Variants in LHFPL3 observed in about 807,000 individuals in gnomAD.
LHFPL3 encodes LHFPL tetraspan subfamily member 3.
Under a neutral mutation model 19.3 loss-of-function variants are expected in LHFPL3, and 5 were observed. The observed-to-expected ratio is 0.26, with a 90% CI of 0.14 to 0.54. The LOEUF (loss-of-function observed/expected upper bound fraction) is 0.54, where lower values mean the gene tolerates loss of function less well. Ranked by LOEUF, LHFPL3 falls within the 20% of genes least tolerant of loss-of-function variation. LHFPL3 has a pLI of 0.94. For synonymous variants in LHFPL3, 133 were observed against 126.2 expected (o/e 1.05, Z -0.36); for missense variants, 249 against 307.4 (o/e 0.81, Z 1.42).
chr7:104,328,893 G>A lies in LHFPL3; in HGVS notation c.114G>A (p.Val38=), dbSNP rs1339918342. The change falls in exon 1 of 3, where the codon GTG becomes GTA. Residue 38 remains valine (V), a synonymous_variant. Coordinates refer to ENST00000424859, the MANE Select transcript of LHFPL3 (RefSeq NM_199000.3). The surrounding 1 kb of genome is among the most constrained non-coding windows in gnomAD (Gnocchi z 4.6). ...TGCGGAACTCGCGGGCCATCGGCGT[G>A]CTGTGGGCCATCTTCACCATCTGCT... ...NYVRNSRAIG[V]LWAIFTICFA... 1 of 1,614,090 alleles carries A rather than the reference G, an allele frequency of 6.2e-7. No individual in the cohort carries two copies. The highest frequency in any genetic ancestry group is 8.5e-7 in the Non-Finnish European group (1 of 1,180,052).
chr7:104,844,815 T>G (rs1791282409), intron 2 of LHFPL3, among the ~76,000 whole-genome samples: 1 of 152,210 alleles, frequency 6.6e-6, no homozygotes, highest in Admixed American at 6.5e-5. Flanking sequence ...CTCAGCTCAT[T>G]GCAACATTTG....
intron 1 of LHFPL3, among the ~76,000 whole-genome samples, chr7:104,353,776 A>G (rs1251027656): frequency 6.6e-6 from 1 of 152,152 alleles, no homozygotes. Flanking sequence ...GGCACTTTAT[A>G]TACAGTGCCT....
chr7:104,785,887 G>C (rs1789901839), intron 2 of LHFPL3: 1 of 152,190 alleles, frequency 6.6e-6, no homozygotes, highest in Non-Finnish European at 1.5e-5. Flanking sequence ...CACAAGCATT[G>C]ATAGGGCCTA....
chr7:104,660,858 C>T (rs1476523056), intron 1 of LHFPL3, among the ~76,000 whole-genome samples: 3 of 152,172 alleles, frequency 2.0e-5, no homozygotes, highest in African/African-American at 7.2e-5. Flanking sequence ...CATCATACAC[C>T]ATTGTCTCTG....
intron 2 of LHFPL3, among the ~76,000 whole-genome samples, chr7:104,846,563 G>T (rs540539811): frequency 1.3e-5 from 2 of 152,274 alleles, no homozygotes; most frequent in African/African-American, 4.8e-5. Flanking sequence ...ATAGAAAATG[G>T]CCAAGGTTTC....
chr7:104,765,169 A>G (rs1320978104), intron 2 of LHFPL3, among the ~76,000 whole-genome samples: 1 of 152,218 alleles, frequency 6.6e-6, no homozygotes, highest in Admixed American at 6.5e-5. Flanking sequence ...TGATAAACCT[A>G]AATAAAAATG....
chr7:104,496,807 A>G (rs1793492125), intron 1 of LHFPL3, among the ~76,000 whole-genome samples: 1 of 152,352 alleles, frequency 6.6e-6, no homozygotes, highest in South Asian at 2.1e-4. Flanking sequence ...TGTTAGGAGC[A>G]CTGCACTTCC....
chr7:104,897,328 G>C (rs1211097654), intron 2 of LHFPL3, among the ~76,000 whole-genome samples: 1 of 152,062 alleles, frequency 6.6e-6, no homozygotes, highest in African/African-American at 2.4e-5. Flanking sequence ...ATTAGATCTT[G>C]GGTATAAATT....
chr7:104,820,861 C>T (rs556099972), intron 2 of LHFPL3, among the ~76,000 whole-genome samples: 1 of 152,236 alleles, frequency 6.6e-6, no homozygotes, highest in Non-Finnish European at 1.5e-5. Flanking sequence ...CAACAAACGC[C>T]AACACAGTTA....
At position 104,504,642 on chromosome 7, in the gene LHFPL3, A is replaced by G. The variant is rs188844190; in HGVS notation, c.445+175418A>G. On this transcript the variant is annotated intron_variant, in intron 1 of 2. Transcript: ENST00000424859. The stretch of plus-strand genomic sequence containing the variant: ...TATAGGGGTCTCAGGGTTGATTCCA[A>G]TACACACTACATTATCTTCTCCTTC... Among the ~76,000 whole-genome samples, 127 of 152,294 alleles carry G rather than the reference A, an allele frequency of 8.3e-4. No homozygotes were observed. The Middle Eastern group carries it at 0.017, about 20-fold the overall frequency.
At chr7:104,365,914 G>C (rs908219194) in intron 1 of LHFPL3, among the ~76,000 whole-genome samples, 11 of 152,068 alleles carry the variant, frequency 7.2e-5, no homozygotes, top group African/African-American at 2.7e-4. Flanking sequence ...GTGAGGAATA[G>C]AAACATTTTG....
intron 1 of LHFPL3, among the ~76,000 whole-genome samples, chr7:104,716,654 G>A (rs561272884): frequency 7.2e-4 from 109 of 152,168 alleles, no homozygotes; most frequent in Admixed American, 1.2e-3. Context: ...ACCACAATAC[G>A]TTGATGAAAG....
chr7:104,893,463 A>C (rs1407668203), intron 2 of LHFPL3, among the ~76,000 whole-genome samples: 2 of 151,978 alleles, frequency 1.3e-5, no homozygotes, highest in Non-Finnish European at 2.9e-5. Context: ...TGGAGGTTGC[A>C]GTGAGCCAAG....
chr7:104,635,506 G>A (rs1791714364), intron 1 of LHFPL3, among the ~76,000 whole-genome samples: 2 of 152,076 alleles, frequency 1.3e-5, no homozygotes, highest in Admixed American at 1.3e-4. Context: ...ATTAAAATCT[G>A]GAAGACAATA....
intron 1 of LHFPL3, among the ~76,000 whole-genome samples, chr7:104,418,073 A>G (rs896633673): frequency 6.6e-6 from 1 of 151,796 alleles, no homozygotes; most frequent in African/African-American, 2.4e-5. Flanking sequence ...ACAGGGTTTC[A>G]CCATGTTGGT....
chr7:104,857,240 G>A (rs907763471), intron 2 of LHFPL3, among the ~76,000 whole-genome samples: 6 of 123,068 alleles, frequency 4.9e-5, no homozygotes, highest in African/African-American at 1.3e-4. Context: ...CCGCTACCAC[G>A]GCAGTTTTCC....
At chr7:104,690,199 G>A (rs1427212871) in intron 1 of LHFPL3, among the ~76,000 whole-genome samples, 1 of 152,272 alleles carries the variant, frequency 6.6e-6, no homozygotes, top group Non-Finnish European at 1.5e-5. Context: ...GCTTACCCAA[G>A]TGGTGGCCCC....
intron 1 of LHFPL3, among the ~76,000 whole-genome samples, chr7:104,411,007 C>T (rs1162917300): frequency 6.6e-6 from 1 of 152,136 alleles, no homozygotes; most frequent in African/African-American, 2.4e-5. Flanking sequence ...AACACCTCAT[C>T]CTATGATTTA....
intron 1 of LHFPL3, among the ~76,000 whole-genome samples, chr7:104,685,867 A>G (rs932714923): frequency 6.6e-6 from 1 of 152,220 alleles, no homozygotes; most frequent in Admixed American, 6.5e-5. Context: ...TGACTTCCTT[A>G]GATGAGGAAG....
Sources: allele counts gnomAD v4.1 joint callset (sites outside exome capture counted in the v4.1 genomes callset), GRCh38; gene constraint gnomAD v4.1.1; non-coding constraint Gnocchi (gnomAD v3.1); transcripts MANE v1.5; gene names NCBI Gene and HGNC (gene_info 2026-07-23, HGNC 2026-07-21).